TSPAN5: variants seen among roughly 807,000 people sequenced by gnomAD.
TSPAN5 encodes tetraspanin 5.
Under a neutral mutation model 37.1 loss-of-function variants are expected in TSPAN5, and 10 were observed. The ratio of observed to expected loss-of-function variants is 0.27; its 90% CI spans 0.17 to 0.46. The LOEUF is 0.46. Among genes scored for constraint, TSPAN5 ranks in the 20% least tolerant of loss-of-function variants. The pLI, the probability that TSPAN5 is intolerant of heterozygous loss-of-function variation, is 1.00. For missense variants in TSPAN5, 195 were observed against 326.6 expected, an observed-to-expected ratio of 0.60 and a Z score of 3.11; for synonymous variants, 110 against 118.9, an observed-to-expected ratio of 0.93 and a Z score of 0.48.
chr4:98,641,941 G>A (rs1376502162), intron 1 of TSPAN5, among the ~76,000 whole-genome samples: 2 of 152,168 alleles, frequency 1.3e-5, no homozygotes, highest in African/African-American at 4.8e-5. Context: ...ACTATGAAAA[G>A]GGTAGGCAAA....
intron 1 of TSPAN5, among the ~76,000 whole-genome samples, chr4:98,638,519 G>T (rs1468263292): frequency 5.3e-5 from 8 of 152,052 alleles, no homozygotes; most frequent in African/African-American, 1.2e-4. Flanking sequence ...ACCGGCATTT[G>T]GTTTCTTTGT....
At chr4:98,550,846 T>C (rs1462012139) in intron 1 of TSPAN5, among the ~76,000 whole-genome samples, 1 of 152,218 alleles carries the variant, frequency 6.6e-6, no homozygotes, top group African/African-American at 2.4e-5. Flanking sequence ...GACTTCCTCC[T>C]TTCCAATTTG....
chr4:98,615,505 G>GA (rs1560560712), intron 1 of TSPAN5, among the ~76,000 whole-genome samples: 2 of 152,158 alleles, frequency 1.3e-5, no homozygotes, highest in African/African-American at 2.4e-5. Flanking sequence ...TTAGGGAAAA[G>GA]AAAAAACCTG....
intron 7 of TSPAN5, among the ~76,000 whole-genome samples, chr4:98,474,471 C>G (rs1402204826): frequency 1.3e-5 from 2 of 151,974 alleles, no homozygotes; most frequent in Admixed American, 6.5e-5. Flanking sequence ...CCTCAGCCCC[C>G]CAAGTAGCTG....
chr4:98,472,957 G>A (rs1377446174), intron 7 of TSPAN5, among the ~76,000 whole-genome samples: 1 of 152,096 alleles, frequency 6.6e-6, no homozygotes, highest in African/African-American at 2.4e-5. Context: ...TTTTGTGGCT[G>A]TCTTTTTCAT....
At chr4:98,613,862 TC>T (rs111689808) in intron 1 of TSPAN5, among the ~76,000 whole-genome samples, 7 of 150,488 alleles carry the variant, frequency 4.7e-5, no homozygotes, top group South Asian at 2.1e-4. Context: ...TTTCAAAGAT[TC>T]CCCCCCCAAA....
At chr4:98,568,930 T>G (rs1446664646) in intron 1 of TSPAN5, among the ~76,000 whole-genome samples, 1 of 152,026 alleles carries the variant, frequency 6.6e-6, no homozygotes, top group Non-Finnish European at 1.5e-5. Flanking sequence ...CAATATGTAG[T>G]GAGAAAGGGC....
chr4:98,540,664 C>A (rs560543805), intron 1 of TSPAN5, among the ~76,000 whole-genome samples: 1 of 152,054 alleles, frequency 6.6e-6, no homozygotes, highest in African/African-American at 2.4e-5. Flanking sequence ...TCTTAATTCC[C>A]GGACTGAAAA....
rs148028860 is a variant in TSPAN5, at chr4:98,613,868, C to G, written c.81+44278G>C. ...AGTTTTTCATTTCAAAGATTCCCCC[C>G]CCAAAATGACTCACGCTGCATTTTG... On this transcript the variant is annotated intron_variant, in intron 1 of 7. Coordinates refer to ENST00000305798, the MANE Select transcript of TSPAN5 (RefSeq NM_005723.4). 2.0e-5 allele frequency among the ~76,000 whole-genome samples: 3 copies of G among 152,182 alleles called. No homozygotes were observed. In the East Asian group the frequency reaches 5.8e-4, roughly 29 times the overall value.
chr4:98,640,776 C>T (rs186457649), intron 1 of TSPAN5, among the ~76,000 whole-genome samples: 80 of 152,304 alleles, frequency 5.3e-4, no homozygotes, highest in African/African-American at 1.3e-3. Flanking sequence ...GTTGAGGGTC[C>T]GGACACTGAC....
At chr4:98,518,043 G>A (rs780438322) in intron 1 of TSPAN5, among the ~76,000 whole-genome samples, 6 of 151,544 alleles carry the variant, frequency 4.0e-5, no homozygotes, top group African/African-American at 1.5e-4. Flanking sequence ...TGGTAGCTTC[G>A]AAAGTTTAAT....
intron 1 of TSPAN5, among the ~76,000 whole-genome samples, chr4:98,657,169 G>A (rs1324166401): frequency 2.0e-5 from 3 of 152,148 alleles, no homozygotes; most frequent in Non-Finnish European, 2.9e-5. Flanking sequence ...TCTTTGTCTG[G>A]CTGCTGAACA....
intron 1 of TSPAN5, among the ~76,000 whole-genome samples, chr4:98,508,915 G>A (rs573088859): frequency 1.3e-5 from 2 of 151,022 alleles, no homozygotes; most frequent in African/African-American, 2.4e-5. Flanking sequence ...CTGAAATTGG[G>A]ATGTATCTTA....
intron 1 of TSPAN5, among the ~76,000 whole-genome samples, chr4:98,582,050 T>C (rs986675582): frequency 6.6e-6 from 1 of 152,132 alleles, no homozygotes; most frequent in Non-Finnish European, 1.5e-5. Context: ...CCATCTCTTG[T>C]GGGACATGGG....
chr4:98,496,258 A>G (rs76576472), intron 2 of TSPAN5: 3,237 of 152,362 alleles, frequency 0.021, 56 homozygotes, highest in Non-Finnish European at 0.034. Context: ...CTTGTCAAAG[A>G]TGCTCCGCCA....
At chr4:98,574,317 G>C (rs1755187783) in intron 1 of TSPAN5, 1 of 152,142 alleles carries the variant, frequency 6.6e-6, no homozygotes, top group African/African-American at 2.4e-5. Context: ...TCGTCATAGA[G>C]TTTCACTAAA....
At chr4:98,532,754 T>C (rs1044666558) in intron 1 of TSPAN5, among the ~76,000 whole-genome samples, 7 of 152,214 alleles carry the variant, frequency 4.6e-5, no homozygotes, top group African/African-American at 1.2e-4. Context: ...AGAGAGGGCA[T>C]CCCTGTCTTG....
At position 98,478,688 on chromosome 4, in the gene TSPAN5, G is replaced by A. The variant is rs139802406; in HGVS notation, c.573C>T (p.Pro191=). The change falls in exon 5 of 8, where the codon CCC becomes CCT. Residue 191 remains proline, a synonymous_variant. Transcript: ENST00000305798. ...TAGTTCGCTGGCATTCACTTACTGC[G>A]GGATCTTTAGTGCAGCAGGAGAATG... The part of the protein sequence containing the change: ...GVPFSCCTKD[P]AEDVINTQCG... The A allele has an allele frequency of 3.6e-5, 58 of 1,613,944 alleles. No homozygotes were observed. Among genetic ancestry groups the A allele is most frequent in the Admixed American group, 2.2e-4 (13 of 59,996 alleles).
chr4:98,607,953 C>T (rs562574724), intron 1 of TSPAN5, among the ~76,000 whole-genome samples: 3 of 152,236 alleles, frequency 2.0e-5, no homozygotes, highest in East Asian at 1.9e-4. Flanking sequence ...GCAAGTGATC[C>T]GCCTGCCTCG....
Sources: gnomAD v4.1 joint callset for allele counts (sites outside exome capture counted in the v4.1 genomes callset) on GRCh38, gnomAD v4.1.1 for gene constraint, MANE v1.5 for transcripts, NCBI Gene and HGNC (gene_info 2026-07-23, HGNC 2026-07-21) for gene names.